Variants in ISOC2 observed in about 807,000 individuals in gnomAD.
The protein encoded by ISOC2 is isochorismatase domain-containing protein 2.
In ISOC2, 15 loss-of-function variants were observed where a neutral mutation model predicts 19.3. The ratio of observed to expected loss-of-function variants is 0.78; its 90% confidence interval spans 0.52 to 1.20. The LOEUF is 1.20. ISOC2 is among the 50% of genes most tolerant of loss of function. The pLI is 0.00. For missense variants in ISOC2, 285 were observed against 272.4 expected (o/e 1.05, Z -0.33); for synonymous variants, 106 against 115.8 (o/e 0.92, Z 0.54).
chr19:55,457,765 G>C (rs1033112394), intron 1 of ISOC2, among the ~76,000 whole-genome samples: 5 of 151,402 alleles, frequency 3.3e-5, no homozygotes, highest in Non-Finnish European at 7.4e-5. Context: ...GGGAGGCGGA[G>C]GTTGCAGTGA....
intron 1 of ISOC2, among the ~76,000 whole-genome samples, chr19:55,461,200 G>C (rs1267557992): frequency 2.4e-5 from 1 of 41,710 alleles, no homozygotes; most frequent in Non-Finnish European, 6.1e-5. Context: ...ACCCGGTCTC[G>C]GAAACCCGGC....
At chr19:55,456,860 G>A (rs919485411) in intron 1 of ISOC2, among the ~76,000 whole-genome samples, 9 of 151,984 alleles carry the variant, frequency 5.9e-5, no homozygotes, top group Non-Finnish European at 7.4e-5. Flanking sequence ...TATCAGTCCC[G>A]GTTACCATCA....
chr19:55,455,123 GGGAGGGAA>G lies in ISOC2; in HGVS notation c.420-25_420-18del. On this transcript the variant is annotated intron_variant, in intron 4 of 5. Transcript: ENST00000425675. Reference sequence around the variant, plus strand: ...TCCACCTGGCTGTGAGTGGGAGGGAGGGAGGGAAGGTTGGTGTGGACGCCGCAGTCTGG... The same window carrying G: ...TCCACCTGGCTGTGAGTGGGAGGGAGGGTTGGTGTGGACGCCGCAGTCTGG... The G allele has an allele frequency of 1.9e-6, 3 of 1,584,350 alleles. No homozygotes were observed. The highest frequency in any genetic ancestry group is 2.6e-6 in the Non-Finnish European group (3 of 1,154,260).
intron 1 of ISOC2, among the ~76,000 whole-genome samples, chr19:55,458,518 T>G: frequency 6.6e-6 from 1 of 151,100 alleles, no homozygotes; most frequent in Admixed American, 6.6e-5. Context: ...AACAAGAAGC[T>G]GCTATTTTCT....
intron 1 of ISOC2, among the ~76,000 whole-genome samples, chr19:55,457,901 G>A (rs8103454): frequency 5.7e-4 from 86 of 151,932 alleles, no homozygotes; most frequent in African/African-American, 2.0e-3. Flanking sequence ...AGGAATTCAG[G>A]TTGACTGCTG....
chr19:55,453,213 T>G lies in ISOC2; in HGVS notation c.*95A>C. 3.5e-6 allele frequency: 3 copies of G among 848,078 alleles called. No homozygotes were observed. The highest frequency in any genetic ancestry group is 5.4e-6 in the Non-Finnish European group (3 of 559,080). 52.5% of individuals were successfully genotyped at this position (848,078 alleles called of 1,614,324 possible). A position where few individuals can be genotyped will look rare whatever the true frequency, so the allele number is the denominator to read the frequency against. ...ACAAGGGGGCGGCACTCCTGGTGGA[T>G]CGCACCACTCTTGGGATCCAGGGAT... On this transcript the variant is annotated 3_prime_UTR_variant, in exon 6 of 6. Transcript: ENST00000425675.
chr19:55,458,251 TCTACACCGC>T (rs1234089890), intron 1 of ISOC2, among the ~76,000 whole-genome samples: 1 of 152,120 alleles, frequency 6.6e-6, no homozygotes, highest in African/African-American at 2.4e-5. Flanking sequence ...TGTCAGAGCG[TCTACACCGC>T]AGGGGCCCTG....
At chr19:55,455,359 C>A in intron 3 of ISOC2, 29 bp from the exon 4 acceptor site, 1 of 1,613,898 alleles carries the variant, frequency 6.2e-7, no homozygotes, top group South Asian at 1.1e-5. Context: ...CAGGGCCAAC[C>A]CCGGATAAGA....
intron 5 of ISOC2, 77 bp downstream of exon 5, chr19:55,454,912 C>G (rs186626286): frequency 9.0e-7 from 1 of 1,113,964 alleles, no homozygotes; most frequent in Admixed American, 1.7e-5. Context: ...CTGCTGGTGC[C>G]GAGATGTATT....
chr19:55,452,997 T>G lies in ISOC2; in HGVS notation c.*311A>C. 1.3e-5 allele frequency: 3 copies of G among 233,438 alleles called. No homozygotes were observed. The highest frequency in any genetic ancestry group is 9.6e-5 in the South Asian group (1 of 10,408). 14.5% of individuals were successfully genotyped at this position (233,438 alleles called of 1,614,324 possible). On this transcript the variant is annotated 3_prime_UTR_variant, in exon 6 of 6. Coordinates refer to ENST00000425675, the MANE Select transcript of ISOC2 (RefSeq NM_001136201.2). The stretch of plus-strand genomic sequence containing the variant: ...GAATGGTTTGGTCCACAGCCACATA[T>G]ATGTTTATTCTGCGAGTCCGTGTCC...
At chr19:55,457,692 C>T (rs1210932128) in intron 1 of ISOC2, among the ~76,000 whole-genome samples, 6 of 151,622 alleles carry the variant, frequency 4.0e-5, no homozygotes, top group South Asian at 2.1e-4. Flanking sequence ...CAGCCAGGCA[C>T]GGTGGCACGC....
chr19:55,455,622 A>C lies in ISOC2; in HGVS notation c.348+14T>G, dbSNP rs1986027513. ...GTTAGAACGAGGGACCCCTGGGGTCAGTCAGCATCTCACCAAGATGCAGGC... is the reference window on the plus strand; with the variant it reads ...GTTAGAACGAGGGACCCCTGGGGTCCGTCAGCATCTCACCAAGATGCAGGC... On this transcript the variant is annotated intron_variant, in intron 3 of 5. Transcript: ENST00000425675. 6.4e-7 allele frequency: 1 copy of C among 1,567,944 alleles called. No individual in the cohort carries two copies. The highest frequency in any genetic ancestry group is 8.7e-7 in the Non-Finnish European group (1 of 1,152,636).
At position 55,453,179 on chromosome 19, in the gene ISOC2, G is replaced by GCC. The variant is rs3214450; in HGVS notation, c.*127_*128dup. The GCC allele has an allele frequency of 0.041, 21,864 of 536,656 alleles. 369 individuals carry two copies. The highest frequency in any genetic ancestry group is 0.044 in the Non-Finnish European group (13,585 of 307,490). 33.2% of individuals were successfully genotyped at this position (536,656 alleles called of 1,614,324 possible). On this transcript the variant is annotated 3_prime_UTR_variant, in exon 6 of 6. Coordinates refer to ENST00000425675, the MANE Select transcript of ISOC2 (RefSeq NM_001136201.2). ...CTGTCCAATGGGAAGGCAGCACCCT[G>GCC]CCCCCCCCACAAGGGGGCGGCACTC...
chr19:55,460,561 C>T (rs1288232468), intron 1 of ISOC2, among the ~76,000 whole-genome samples: 2 of 152,316 alleles, frequency 1.3e-5, no homozygotes, highest in Middle Eastern at 3.4e-3. Context: ...TGATCTATGG[C>T]GTCAGAAGCC....
chr19:55,453,235 G>A lies in ISOC2; in HGVS notation c.*73C>T, dbSNP rs1985924277. The stretch of plus-strand genomic sequence containing the variant: ...GGATCGCACCACTCTTGGGATCCAG[G>A]GATGGGGGGAACGGGCTTCCACTGA... On this transcript the variant is annotated 3_prime_UTR_variant, in exon 6 of 6. Coordinates refer to ENST00000425675, the MANE Select transcript of ISOC2 (RefSeq NM_001136201.2). The A allele has an allele frequency of 6.2e-6, 7 of 1,121,904 alleles. No individual in the cohort carries two copies. In the East Asian group the frequency reaches 1.6e-4, roughly 26 times the overall value. 69.5% of individuals were successfully genotyped at this position (1,121,904 alleles called of 1,614,324 possible). A position where few individuals can be genotyped will look rare whatever the true frequency, so the allele number is the denominator to read the frequency against.
intron 5 of ISOC2, chr19:55,454,714 A>G: frequency 2.0e-6 from 1 of 489,944 alleles, no homozygotes; most frequent in Non-Finnish European, 3.7e-6. Context: ...CACCTGCTCC[A>G]GGATGCCCCC....
chr19:55,458,032 T>C (rs1568459435), intron 1 of ISOC2, among the ~76,000 whole-genome samples: 1 of 150,168 alleles, frequency 6.7e-6, no homozygotes, highest in South Asian at 2.1e-4. Context: ...AAGGGTAAGT[T>C]TTATGTTAAG....
At position 55,453,376 on chromosome 19, in the gene ISOC2, T is replaced by A. The variant is rs1276608820; in HGVS notation, c.550A>T (p.Ile184Phe). The A allele has an allele frequency of 6.9e-6, 11 of 1,604,300 alleles. No individual in the cohort carries two copies. The highest frequency in any genetic ancestry group is 8.5e-6 in the Non-Finnish European group (10 of 1,175,720). Residue 184 changes from isoleucine to phenylalanine, a missense_variant, in exon 6 of 6, where the codon ATC becomes TTC. Ile to Phe is a conservative substitution (Grantham distance 21, BLOSUM62 0). Coordinates refer to ENST00000425675, the MANE Select transcript of ISOC2 (RefSeq NM_001136201.2). ...HPQFKEIQKL[I>F]KEPAPDSGLL... is the part of the protein sequence containing the mutation. ...CCGCTGTCTGGGGCGGGCTCCTTGATGAGTTTCTGGATCTGTAAGGGCAGG... is the reference window on the plus strand; with the variant it reads ...CCGCTGTCTGGGGCGGGCTCCTTGAAGAGTTTCTGGATCTGTAAGGGCAGG...
intron 5 of ISOC2, 144 bp from the exon 6 acceptor site, chr19:55,453,532 CTT>C: frequency 1.9e-6 from 1 of 537,826 alleles, no homozygotes; most frequent in Non-Finnish European, 3.2e-6. Context: ...CTTCTCAAGA[CTT>C]TTCCTGGGGC....
Sources: allele counts gnomAD v4.1 joint callset (sites outside exome capture counted in the v4.1 genomes callset), GRCh38; gene constraint gnomAD v4.1.1; transcripts MANE v1.5; gene names NCBI Gene and HGNC (gene_info 2026-07-23, HGNC 2026-07-21).